Variants in SRPK2 observed in about 807,000 individuals in gnomAD.
SRPK2 encodes SFRS protein kinase 2.
Under a neutral mutation model 90.8 loss-of-function variants are expected in SRPK2, and 21 were observed. That is an observed-to-expected ratio of 0.23 (90% CI 0.16 to 0.33). SRPK2 has a LOEUF of 0.33. Ranked by LOEUF, SRPK2 falls within the 10% of genes least tolerant of loss-of-function variation. The pLI, the probability that SRPK2 is intolerant of heterozygous loss-of-function variation, is 1.00. For missense variants in SRPK2, 620 were observed against 869.0 expected, an observed-to-expected ratio of 0.71 and a Z score of 3.60; for synonymous variants, 288 against 311.1, an observed-to-expected ratio of 0.93 and a Z score of 0.78.
intron 2 of SRPK2, among the ~76,000 whole-genome samples, chr7:105,206,865 G>A (rs1210466905): frequency 6.6e-6 from 1 of 152,186 alleles, no homozygotes; most frequent in Non-Finnish European, 1.5e-5. Context: ...GATCCAACCT[G>A]TACTGAGGGG....
At chr7:105,135,398 C>G (rs2129575472) in intron 11 of SRPK2, among the ~76,000 whole-genome samples, 1 of 152,338 alleles carries the variant, frequency 6.6e-6, no homozygotes, top group African/African-American at 2.4e-5. Context: ...GAACCATCGT[C>G]TGGGGCAGAG....
chr7:105,250,017 T>G (rs1360958110), intron 2 of SRPK2, among the ~76,000 whole-genome samples: 2 of 152,184 alleles, frequency 1.3e-5, no homozygotes, highest in African/African-American at 4.8e-5. Flanking sequence ...GAGCTAAGCG[T>G]TATTCTACTG....
intron 2 of SRPK2, among the ~76,000 whole-genome samples, chr7:105,338,536 C>T (rs934183783): frequency 2.0e-5 from 3 of 152,210 alleles, no homozygotes; most frequent in African/African-American, 7.2e-5. Context: ...GGATTACAGG[C>T]ATAAGCCACT....
chr7:105,127,777 A>G (rs1801419246), intron 13 of SRPK2, among the ~76,000 whole-genome samples: 1 of 152,212 alleles, frequency 6.6e-6, no homozygotes, highest in African/African-American at 2.4e-5. Flanking sequence ...TAAGCTAGTA[A>G]CAATATACAA....
intron 2 of SRPK2, among the ~76,000 whole-genome samples, chr7:105,385,335 C>A (rs556544786): frequency 2.2e-4 from 33 of 151,474 alleles, no homozygotes; most frequent in African/African-American, 7.8e-4. Context: ...CGCCCGCCAC[C>A]ATGCCGGGCT....
At chr7:105,346,857 T>TAAA (rs34287828) in intron 2 of SRPK2, among the ~76,000 whole-genome samples, 21 of 137,220 alleles carry the variant, frequency 1.5e-4, no homozygotes, top group South Asian at 2.4e-4. Context: ...TCTCATTTGT[T>TAAA]AAAAAAAAAA....
chr7:105,169,120 C>G (rs746387256), intron 4 of SRPK2, 37 bp downstream of exon 4: 20 of 1,568,880 alleles, frequency 1.3e-5, no homozygotes, highest in Non-Finnish European at 1.6e-5. Flanking sequence ...TTGAACTACT[C>G]CAGGAAACAA....
chr7:105,391,301 G>T (rs1822177310), upstream of SRPK2, among the ~76,000 whole-genome samples: 1 of 152,048 alleles, frequency 6.6e-6, no homozygotes, highest in Non-Finnish European at 1.5e-5. Context: ...TGCCTCCCAG[G>T]TTCAAGTGAT....
intron 2 of SRPK2, among the ~76,000 whole-genome samples, chr7:105,292,895 T>C (rs982519974): frequency 1.3e-5 from 2 of 152,242 alleles, no homozygotes; most frequent in African/African-American, 4.8e-5. Context: ...GAGGGTTCCA[T>C]TGCCATAGTA....
intron 2 of SRPK2, among the ~76,000 whole-genome samples, chr7:105,303,369 G>A (rs1231280658): frequency 6.6e-6 from 1 of 151,986 alleles, no homozygotes; most frequent in Non-Finnish European, 1.5e-5. Context: ...TGTAAATGAT[G>A]AGTTAATGGG....
chr7:105,179,469 T>C lies in SRPK2; in HGVS notation c.230-10204A>G, dbSNP rs572834378. Among the ~76,000 whole-genome samples, 3 of 152,290 alleles carry C rather than the reference T, an allele frequency of 2.0e-5. No individual in the cohort carries two copies. In the South Asian group the frequency reaches 6.2e-4, roughly 32 times the overall value. The stretch of plus-strand genomic sequence containing the variant: ...CTAACTGGCCCAAAGCATAATCCGA[T>C]TCACTACAGTAGCCCAAATAGCAAT... On this transcript the variant is annotated intron_variant, in intron 3 of 15. Transcript: ENST00000393651.
intron 2 of SRPK2, among the ~76,000 whole-genome samples, chr7:105,320,424 A>G (rs953063185): frequency 6.6e-6 from 1 of 152,222 alleles, no homozygotes; most frequent in Non-Finnish European, 1.5e-5. Context: ...AAATTTCTTC[A>G]GTGTTTTTCA....
chr7:105,215,306 C>T (rs1271565413), intron 2 of SRPK2, among the ~76,000 whole-genome samples: 2 of 152,174 alleles, frequency 1.3e-5, no homozygotes, highest in African/African-American at 2.4e-5. Context: ...GATACCACTT[C>T]ACACCTACTA....
chr7:105,206,187 G>A (rs56269269), intron 2 of SRPK2, among the ~76,000 whole-genome samples: 63,172 of 151,754 alleles, frequency 0.42, 15,029 homozygotes, highest in Non-Finnish European at 0.53. Context: ...TCAAAAATGC[G>A]TGTAGACACT....
intron 2 of SRPK2, among the ~76,000 whole-genome samples, chr7:105,225,093 G>A (rs774688621): frequency 2.0e-5 from 3 of 152,168 alleles, no homozygotes; most frequent in Non-Finnish European, 4.4e-5. Flanking sequence ...TTGGAAGGCT[G>A]AGGTGGGAGG....
rs193252458 is a variant in SRPK2, at chr7:105,172,435, T to C, written c.230-3170A>G. Among the ~76,000 whole-genome samples the C allele has an allele frequency of 2.0e-3, 301 of 152,296 alleles. 2 individuals are homozygous for C. The highest frequency in any genetic ancestry group is 2.7e-3 in the Non-Finnish European group (184 of 68,024). On this transcript the variant is annotated intron_variant, in intron 3 of 15. Coordinates refer to ENST00000393651, the MANE Select transcript of SRPK2 (RefSeq NM_182692.3). ...CAAAGAAAAGCAGATTTCTTGACCA[T>C]AGGCCTAATGTTTTAATACAGAGTG...
intron 2 of SRPK2, among the ~76,000 whole-genome samples, chr7:105,277,353 G>A (rs1019747701): frequency 1.3e-5 from 2 of 152,206 alleles, no homozygotes; most frequent in African/African-American, 4.8e-5. Context: ...TGGGATTACA[G>A]GCGTGAGCCA....
chr7:105,280,975 A>C (rs969143630), intron 2 of SRPK2, among the ~76,000 whole-genome samples: 3 of 142,538 alleles, frequency 2.1e-5, no homozygotes, highest in Non-Finnish European at 4.6e-5. Context: ...AAAAAAAAAA[A>C]AAAAAAAAAA....
intron 2 of SRPK2, among the ~76,000 whole-genome samples, chr7:105,280,295 A>G (rs1298520512): frequency 6.6e-6 from 1 of 151,970 alleles, no homozygotes; most frequent in African/African-American, 2.4e-5. Context: ...CACACCTGTC[A>G]TCCCAGCTAC....
Sources: allele counts gnomAD v4.1 joint callset (sites outside exome capture counted in the v4.1 genomes callset), GRCh38; gene constraint gnomAD v4.1.1; transcripts MANE v1.5; gene names NCBI Gene and HGNC (gene_info 2026-07-23, HGNC 2026-07-21).